Variants in LRRC49 observed in about 807,000 individuals in gnomAD.
The protein encoded by LRRC49 is leucine rich repeat containing 49.
In LRRC49, 50 loss-of-function variants were observed where a neutral mutation model predicts 83.3. The ratio of observed to expected loss-of-function variants is 0.60; its 90% CI spans 0.48 to 0.76. The LOEUF (loss-of-function observed/expected upper bound fraction) is 0.76. Among genes scored for constraint, LRRC49 ranks in the 30% least tolerant of loss-of-function variants. The pLI is 0.00. For synonymous variants in LRRC49, 286 were observed against 283.3 expected (o/e 1.01, Z -0.10); for missense variants, 704 against 809.1 (o/e 0.87, Z 1.58).
At chr15:70,916,435 C>T (rs1307348418) in intron 6 of LRRC49, among the ~76,000 whole-genome samples, 1 of 152,162 alleles carries the variant, frequency 6.6e-6, no homozygotes, top group East Asian at 1.9e-4. Flanking sequence ...GCTGGGATTA[C>T]AGGCCCATGC....
intron 8 of LRRC49, among the ~76,000 whole-genome samples, chr15:70,959,772 G>C (rs2036542732): frequency 6.6e-6 from 1 of 152,090 alleles, no homozygotes. Context: ...GCCAGACCTG[G>C]AATAGTGACA....
intron 2 of LRRC49, chr15:70,873,288 A>T (rs1165922263): frequency 1.4e-6 from 2 of 1,459,222 alleles, no homozygotes; most frequent in Admixed American, 2.0e-5. Context: ...CCCCTCACTG[A>T]ACTAAAACAT....
At chr15:70,924,283 CAG>C (rs1208651395) in intron 7 of LRRC49, among the ~76,000 whole-genome samples, 8 of 151,932 alleles carry the variant, frequency 5.3e-5, no homozygotes, top group Admixed American at 1.3e-4. Context: ...GTCTTATTAC[CAG>C]AGACTTTAGT....
At position 70,893,637 on chromosome 15, in the gene LRRC49, CA is replaced by C; in HGVS notation, c.105del (p.Val36LeufsTer5). The C allele has an allele frequency of 6.2e-7, 1 of 1,607,074 alleles. No individual in the cohort carries two copies. The highest frequency in any genetic ancestry group is 8.5e-7 in the Non-Finnish European group (1 of 1,175,534). On this transcript the variant is annotated frameshift_variant and splice_region_variant, in exon 2 of 16. Transcript: ENST00000260382. LOFTEE classifies it high-confidence loss of function. ...IQTSSLPEKN[K>X]VEFKLNKDTS... The stretch of plus-strand genomic sequence containing the variant: ...AAACATCATCGCTTCCTGAAAAAAA[CA>C]AAGTAAGATTTAAGAAGGTTGGCAT...
At chr15:70,907,770 A>T in intron 5 of LRRC49, 1 of 354,756 alleles carries the variant, frequency 2.8e-6, no homozygotes, top group Admixed American at 3.6e-5. Flanking sequence ...GCCTCAGGTG[A>T]TGGGTGAGCC....
In LRRC49 at chr15:70,885,435, C is replaced by T. The variant is rs557581922; in HGVS notation, c.19-8149C>T. On this transcript the variant is annotated intron_variant, in intron 2 of 16. Transcript: ENST00000544974. ...AAACAACAGAAACCAAACCTATGCA[C>T]ACTACAGTAAAACTGGAAAATGAAG... Among the ~76,000 whole-genome samples the T allele has an allele frequency of 2.3e-3, 356 of 152,226 alleles. 5 individuals carry two copies. The highest frequency in any genetic ancestry group is 0.02 in the Middle Eastern group (6 of 294).
chr15:70,884,936 G>C lies in LRRC49; in HGVS notation c.19-8648G>C, dbSNP rs547355467. Among the ~76,000 whole-genome samples, 9 of 152,184 alleles carry C rather than the reference G, an allele frequency of 5.9e-5. No homozygotes were observed. The East Asian group carries it at 1.7e-3, about 29-fold the overall frequency. ...CTTTTTATGTGTATTTTTAAAAACT[G>C]AGATAATATAATGCTTTATAACCTA... On this transcript the variant is annotated intron_variant, in intron 2 of 16. Transcript: ENST00000544974.
chr15:70,877,176 T>C (rs1038579157), intron 2 of LRRC49, among the ~76,000 whole-genome samples: 2 of 152,238 alleles, frequency 1.3e-5, no homozygotes, highest in African/African-American at 4.8e-5. Context: ...AATTTATTGC[T>C]TGAACTATCA....
chr15:70,974,766 C>T (rs1282289974), intron 9 of LRRC49, among the ~76,000 whole-genome samples: 2 of 150,178 alleles, frequency 1.3e-5, no homozygotes, highest in African/African-American at 4.9e-5. Context: ...AGATAGAGAT[C>T]ACATACAGCT....
At chr15:71,030,315 CT>C (rs1236758978) in intron 14 of LRRC49, among the ~76,000 whole-genome samples, 1 of 152,150 alleles carries the variant, frequency 6.6e-6, no homozygotes, top group African/African-American at 2.4e-5. Flanking sequence ...GTTGAAAATT[CT>C]TTTCTTTAAG....
chr15:70,882,664 A>T, intron 2 of LRRC49: 6 of 1,613,116 alleles, frequency 3.7e-6, no homozygotes, highest in Non-Finnish European at 5.1e-6. Context: ...AAAGAGAATA[A>T]GCATAAGTAC....
chr15:70,993,232 A>G (rs187880384), intron 11 of LRRC49, among the ~76,000 whole-genome samples: 1 of 152,318 alleles, frequency 6.6e-6, no homozygotes, highest in Admixed American at 6.5e-5. Context: ...CCGTTGGAAA[A>G]GTGCTGTATT....
At chr15:71,040,548 G>A (rs1409631982) in intron 15 of LRRC49, among the ~76,000 whole-genome samples, 3 of 152,064 alleles carry the variant, frequency 2.0e-5, no homozygotes, top group Non-Finnish European at 4.4e-5. Flanking sequence ...GGCCGGGCGC[G>A]GTGGCTCACA....
chr15:71,006,631 G>A (rs1213295580), intron 11 of LRRC49, among the ~76,000 whole-genome samples: 1 of 152,038 alleles, frequency 6.6e-6, no homozygotes, highest in Non-Finnish European at 1.5e-5. Context: ...AATATGTATT[G>A]AGCAGAGCAT....
chr15:71,004,795 A>G (rs1386807574), intron 11 of LRRC49, among the ~76,000 whole-genome samples: 2 of 152,160 alleles, frequency 1.3e-5, no homozygotes, highest in Non-Finnish European at 2.9e-5. Flanking sequence ...CTAACACAGA[A>G]CAGAAAATCA....
intron 14 of LRRC49, among the ~76,000 whole-genome samples, chr15:71,031,348 G>A (rs2039345568): frequency 6.6e-6 from 1 of 152,212 alleles, no homozygotes; most frequent in African/African-American, 2.4e-5. Context: ...AAAGATTGCT[G>A]CCTGCTCCTT....
chr15:70,900,386 G>A, intron 3 of LRRC49: 1 of 440,774 alleles, frequency 2.3e-6, no homozygotes, highest in Non-Finnish European at 4.6e-6. Context: ...GATGATGCGA[G>A]GTTTACATCT....
intron 11 of LRRC49, among the ~76,000 whole-genome samples, chr15:70,990,367 G>C (rs1343805965): frequency 6.6e-6 from 1 of 152,166 alleles, no homozygotes; most frequent in Non-Finnish European, 1.5e-5. Context: ...CCTCGCTGCT[G>C]CCTTGCAGTT....
At position 71,049,713 on chromosome 15, in the gene LRRC49, A is replaced by G. The variant is rs1014702399; in HGVS notation, c.*101A>G. 4.3e-6 allele frequency: 3 copies of G among 704,990 alleles called. No homozygotes were observed. The highest frequency in any genetic ancestry group is 5.7e-5 in the Admixed American group (2 of 35,376). 43.7% of individuals were successfully genotyped at this position (704,990 alleles called of 1,614,324 possible). ...AAACAACAACAACACTATCCTATAA[A>G]CTAGAAAGACTAGTATAAAAGCATT... On this transcript the variant is annotated 3_prime_UTR_variant, in exon 16 of 16. Coordinates refer to ENST00000260382, the MANE Select transcript of LRRC49 (RefSeq NM_017691.5).
Sources: gnomAD v4.1 joint callset for allele counts (sites outside exome capture counted in the v4.1 genomes callset) on GRCh38, gnomAD v4.1.1 for gene constraint, MANE v1.5 for transcripts, NCBI Gene and HGNC (gene_info 2026-07-23, HGNC 2026-07-21) for gene names.